STAU2: variants seen among roughly 807,000 people sequenced by gnomAD.
The protein encoded by STAU2 is double-stranded RNA-binding protein Staufen homolog 2.
Under a neutral mutation model 65.9 loss-of-function variants are expected in STAU2, and 20 were observed. That is an observed-to-expected ratio of 0.30 (90% CI 0.21 to 0.44). The LOEUF (loss-of-function observed/expected upper bound fraction) is 0.44, where lower values mean the gene tolerates loss of function less well. Among genes scored for constraint, STAU2 ranks in the 20% least tolerant of loss-of-function variants. The pLI, the probability that STAU2 is intolerant of heterozygous loss-of-function variation, is 1.00. For missense variants in STAU2, 558 were observed against 683.9 expected, an observed-to-expected ratio of 0.82 and a Z score of 2.05; for synonymous variants, 232 against 233.9, an observed-to-expected ratio of 0.99 and a Z score of 0.07.
At chr8:73,678,109 CTCTT>C (rs1471419142) in intron 5 of STAU2, among the ~76,000 whole-genome samples, 8 of 152,268 alleles carry the variant, frequency 5.3e-5, no homozygotes, top group African/African-American at 1.7e-4. Context: ...GCACGTGAGT[CTCTT>C]TCTTTCTTCA....
intron 12 of STAU2, among the ~76,000 whole-genome samples, chr8:73,567,475 C>G (rs1392661515): frequency 6.6e-6 from 1 of 152,062 alleles, no homozygotes; most frequent in African/African-American, 2.4e-5. Context: ...CCACTGCACT[C>G]CAGCCTGGGC....
intron 13 of STAU2, among the ~76,000 whole-genome samples, chr8:73,546,123 C>CTTTTTTTTTTT (rs71561528): frequency 1.1e-5 from 1 of 93,290 alleles, no homozygotes; most frequent in African/African-American, 4.2e-5. Flanking sequence ...GTTTGGTTTT[C>CTTTTTTTTTTT]TTTTTTTTTT....
rs143036762 is a variant in STAU2 at position 73,435,735 on chromosome 8, C to T, written c.1531-13033G>A. Among the ~76,000 whole-genome samples the T allele has an allele frequency of 1.5e-4, 23 of 152,082 alleles. No individual in the cohort carries two copies. The East Asian group carries it at 2.9e-3, about 19-fold the overall frequency. The stretch of plus-strand genomic sequence containing the variant: ...TGAGATCTCAATCTTCTCTCATCTT[C>T]GAGGTCTGAAACAAGTGTTTTGCCC... On this transcript the variant is annotated intron_variant, in intron 13 of 14. Coordinates refer to ENST00000524300, the MANE Select transcript of STAU2 (RefSeq NM_001164380.2).
chr8:73,675,930 G>A (rs150803231), intron 5 of STAU2, among the ~76,000 whole-genome samples: 132 of 152,210 alleles, frequency 8.7e-4, no homozygotes, highest in African/African-American at 3.1e-3. Flanking sequence ...GAAATATTAA[G>A]GGGTAATGGG....
intron 3 of STAU2, among the ~76,000 whole-genome samples, chr8:73,716,139 A>T (rs1821234358): frequency 6.8e-6 from 1 of 147,262 alleles, no homozygotes; most frequent in Admixed American, 6.9e-5. Flanking sequence ...CCCAGGCTGG[A>T]GTGCAGTGGT....
intron 13 of STAU2, among the ~76,000 whole-genome samples, chr8:73,535,077 T>C (rs78014650): frequency 0.11 from 17,163 of 152,272 alleles, 1,282 homozygotes; most frequent in Non-Finnish European, 0.16. Context: ...GTCTAACAAA[T>C]GAAACAGATG....
At chr8:73,432,642 T>C (rs1817387914) in intron 13 of STAU2, among the ~76,000 whole-genome samples, 1 of 152,232 alleles carries the variant, frequency 6.6e-6, no homozygotes, top group Non-Finnish European at 1.5e-5. Context: ...ATCAATGATA[T>C]GACTTTTTGT....
intron 13 of STAU2, among the ~76,000 whole-genome samples, chr8:73,475,739 G>A (rs1051965965): frequency 3.9e-5 from 6 of 152,044 alleles, no homozygotes; most frequent in African/African-American, 1.4e-4. Context: ...TCATTTTGTG[G>A]GTCAGGAATC....
At chr8:73,484,535 T>C (rs1388219419) in intron 13 of STAU2, among the ~76,000 whole-genome samples, 2 of 152,118 alleles carry the variant, frequency 1.3e-5, no homozygotes, top group African/African-American at 4.8e-5. Context: ...CGATTTACTA[T>C]ATAGTGAGGG....
chr8:73,687,935 C>CA (rs1030568403), intron 5 of STAU2, among the ~76,000 whole-genome samples: 47 of 151,124 alleles, frequency 3.1e-4, no homozygotes, highest in African/African-American at 1.1e-3. Flanking sequence ...AGGATGGTCT[C>CA]AATCTCCTGA....
chr8:73,496,758 C>T (rs1024825684), intron 13 of STAU2, among the ~76,000 whole-genome samples: 7 of 151,606 alleles, frequency 4.6e-5, no homozygotes, highest in Admixed American at 2.0e-4. Flanking sequence ...AGATCATTTA[C>T]ATTCTTTTGT....
At chr8:73,524,698 C>CT (rs1823249162) in intron 13 of STAU2, among the ~76,000 whole-genome samples, 1 of 152,162 alleles carries the variant, frequency 6.6e-6, no homozygotes, top group Non-Finnish European at 1.5e-5. Flanking sequence ...TTCACATATA[C>CT]TTTTTTTCTC....
chr8:73,558,294 C>G (rs941261926), intron 12 of STAU2, among the ~76,000 whole-genome samples: 4 of 152,214 alleles, frequency 2.6e-5, no homozygotes, highest in African/African-American at 7.2e-5. Context: ...GAGATGAGCT[C>G]ACCAAAATCT....
intron 13 of STAU2, among the ~76,000 whole-genome samples, chr8:73,535,257 C>G (rs2128934978): frequency 6.6e-6 from 1 of 152,252 alleles, no homozygotes; most frequent in South Asian, 2.1e-4. Context: ...GCAAGCTCCA[C>G]CTCCCGGGTT....
At chr8:73,671,066 A>T (rs1005524145) in intron 6 of STAU2, among the ~76,000 whole-genome samples, 5 of 152,094 alleles carry the variant, frequency 3.3e-5, no homozygotes, top group Non-Finnish European at 5.9e-5. Context: ...GACAAATCAA[A>T]AAGGATAACA....
intron 6 of STAU2, among the ~76,000 whole-genome samples, chr8:73,649,350 T>A (rs1417160335): frequency 2.6e-5 from 4 of 152,172 alleles, no homozygotes; most frequent in African/African-American, 9.7e-5. Context: ...AGACTTCTAT[T>A]TGTATTTAAA....
rs529017829 is a variant in STAU2 at position 73,600,480 on chromosome 8, G to A, written c.1029+3246C>T. Among the ~76,000 whole-genome samples the A allele has an allele frequency of 6.6e-5, 10 of 152,282 alleles. No individual in the cohort carries two copies. The South Asian group carries it at 1.5e-3, about 22-fold the overall frequency. On this transcript the variant is annotated intron_variant, in intron 10 of 14. Transcript: ENST00000524300. ...GCCAGATGAATACACACCACCTGCC[G>A]TAACAGTGTCTGCCTCAACATGGCA...
intron 9 of STAU2, among the ~76,000 whole-genome samples, chr8:73,612,162 CACATAA>C (rs1213167199): frequency 5.3e-5 from 8 of 152,048 alleles, no homozygotes; most frequent in Non-Finnish European, 2.9e-5. Context: ...TGGATATATT[CACATAA>C]ACATAAAATG....
intron 3 of STAU2, among the ~76,000 whole-genome samples, chr8:73,712,478 CA>C (rs1335241291): frequency 6.6e-6 from 1 of 151,884 alleles, no homozygotes; most frequent in African/African-American, 2.4e-5. Context: ...GAGATAATAC[CA>C]AACACTGTTA....
Sources: gnomAD v4.1 joint callset for allele counts (sites outside exome capture counted in the v4.1 genomes callset) on GRCh38, gnomAD v4.1.1 for gene constraint, MANE v1.5 for transcripts, NCBI Gene and HGNC (gene_info 2026-07-23, HGNC 2026-07-21) for gene names.